The following FAM120A variants were observed in gnomAD, a reference collection of about 807,000 sequenced individuals.
The protein encoded by FAM120A is family with sequence similarity 120 member A.
In FAM120A, 15 loss-of-function variants were observed where a neutral mutation model predicts 109.7. The ratio of observed to expected loss-of-function variants is 0.14; its 90% CI spans 0.09 to 0.21. FAM120A has a LOEUF of 0.21. Among genes scored for constraint, FAM120A ranks in the 10% least tolerant of loss-of-function variants. FAM120A has a pLI of 1.00. For synonymous variants in FAM120A, 493 were observed against 572.8 expected (o/e 0.86, Z 1.99); for missense variants, 899 against 1,439.3 (o/e 0.62, Z 6.07).
chr9:93,474,193 G>C (rs1002103171), intron 2 of FAM120A, among the ~76,000 whole-genome samples: 10 of 152,226 alleles, frequency 6.6e-5, no homozygotes, highest in Non-Finnish European at 1.3e-4. Context: ...TGTTGTTGTT[G>C]TTGTTGTTTT....
chr9:93,460,178 G>A (rs192920699), intron 1 of FAM120A, among the ~76,000 whole-genome samples: 5 of 152,152 alleles, frequency 3.3e-5, no homozygotes, highest in South Asian at 4.2e-4. Context: ...GTCAAATATC[G>A]CGTAACATGA....
intron 5 of FAM120A, among the ~76,000 whole-genome samples, chr9:93,511,049 C>T (rs1019211562): frequency 6.6e-6 from 1 of 151,518 alleles, no homozygotes; most frequent in Non-Finnish European, 1.5e-5. Flanking sequence ...GTAAAGCAAC[C>T]CTTTTCATTG....
intron 11 of FAM120A, among the ~76,000 whole-genome samples, chr9:93,544,984 T>C (rs1861830429): frequency 6.6e-6 from 1 of 152,216 alleles, no homozygotes; most frequent in Middle Eastern, 3.2e-3. Context: ...CAGCATGAAC[T>C]CAGAGCCTCT....
intron 10 of FAM120A, among the ~76,000 whole-genome samples, chr9:93,536,183 C>A (rs1861508736): frequency 6.6e-6 from 1 of 152,190 alleles, no homozygotes; most frequent in Admixed American, 6.5e-5. Context: ...TAATCTATGG[C>A]CACTCTTGGA....
intron 3 of FAM120A, among the ~76,000 whole-genome samples, chr9:93,490,982 TGCCA>T (rs1859286615): frequency 6.6e-6 from 1 of 152,174 alleles, no homozygotes; most frequent in Admixed American, 6.5e-5. Context: ...GTAGTATGGG[TGCCA>T]GCCTCCACTC....
intron 10 of FAM120A, among the ~76,000 whole-genome samples, chr9:93,541,871 A>G (rs1861713614): frequency 6.6e-6 from 1 of 152,174 alleles, no homozygotes; most frequent in African/African-American, 2.4e-5. Context: ...AAATGTATTT[A>G]AGCATTTTTT....
intron 3 of FAM120A, among the ~76,000 whole-genome samples, chr9:93,495,585 T>C (rs1859539472): frequency 1.3e-5 from 2 of 152,226 alleles, no homozygotes; most frequent in Admixed American, 1.3e-4. Context: ...TGTAGTCTAT[T>C]AAGAGTGTAA....
At chr9:93,462,898 A>G (rs747706411) in intron 1 of FAM120A, among the ~76,000 whole-genome samples, 7 of 152,208 alleles carry the variant, frequency 4.6e-5, no homozygotes, top group Non-Finnish European at 1.0e-4. Flanking sequence ...ATTCTGTTGT[A>G]TTGGATAGAC....
intron 7 of FAM120A, 111 bp from the exon 8 acceptor site, chr9:93,527,044 T>C: frequency 2.6e-6 from 2 of 775,436 alleles, no homozygotes; most frequent in South Asian, 3.2e-5. Context: ...GTTGTGTTTA[T>C]TTTAAAAGTA....
intron 5 of FAM120A, among the ~76,000 whole-genome samples, chr9:93,515,108 G>A (rs1210778100): frequency 1.4e-5 from 2 of 141,670 alleles, no homozygotes; most frequent in Non-Finnish European, 3.3e-5. Context: ...GTGTTAAAAT[G>A]TGTAACCTAA....
At chr9:93,476,426 GT>G in intron 3 of FAM120A, 88 bp downstream of exon 3, 1 of 866,006 alleles carries the variant, frequency 1.2e-6, no homozygotes, top group South Asian at 1.5e-5. Context: ...CCCTTTATTG[GT>G]GATGCTACAA....
At chr9:93,512,580 G>A (rs192124017) in intron 5 of FAM120A, among the ~76,000 whole-genome samples, 10 of 151,824 alleles carry the variant, frequency 6.6e-5, no homozygotes, top group African/African-American at 2.2e-4. Flanking sequence ...AAGTGTGAAA[G>A]GAAGAGAGTG....
chr9:93,528,178 A>G (rs1420774873), intron 8 of FAM120A, among the ~76,000 whole-genome samples: 1 of 152,242 alleles, frequency 6.6e-6, no homozygotes, highest in Non-Finnish European at 1.5e-5. Flanking sequence ...AGCACCTTCC[A>G]AAGCATTTTG....
At chr9:93,561,310 C>T (rs1587643231) in intron 16 of FAM120A, 60 bp downstream of exon 16, 1 of 1,505,572 alleles carries the variant, frequency 6.6e-7, no homozygotes, top group South Asian at 1.3e-5. Context: ...TTCTAACTTG[C>T]TTTTTTTTGG....
intron 4 of FAM120A, among the ~76,000 whole-genome samples, chr9:93,497,965 T>G (rs1241813597): frequency 3.9e-5 from 6 of 152,276 alleles, no homozygotes; most frequent in African/African-American, 1.4e-4. Context: ...TCATATGGCA[T>G]TATAAATCTC....
At position 93,528,353 on chromosome 9, in the gene FAM120A, C is replaced by T. The variant is rs188876306; in HGVS notation, c.1507-1000C>T. ...GTAAAGAGTATACTTTGTTTCAAAACAGAAAAATGTATATGTCTTTAGGGT... is the reference window on the plus strand; with the variant it reads ...GTAAAGAGTATACTTTGTTTCAAAATAGAAAAATGTATATGTCTTTAGGGT... On this transcript the variant is annotated intron_variant, in intron 8 of 17. Coordinates refer to ENST00000277165, the MANE Select transcript of FAM120A (RefSeq NM_014612.5). 1.1e-4 allele frequency among the ~76,000 whole-genome samples: 16 copies of T among 152,278 alleles called. No individual in the cohort carries two copies. In the East Asian group the frequency reaches 2.9e-3, roughly 28 times the overall value.
intron 1 of FAM120A, among the ~76,000 whole-genome samples, chr9:93,454,734 T>C (rs1857477130): frequency 6.6e-6 from 1 of 152,206 alleles, no homozygotes; most frequent in Non-Finnish European, 1.5e-5. Flanking sequence ...AAGGATGATT[T>C]TGAGTCATAA....
In FAM120A at chr9:93,516,190, C is replaced by T. The variant is rs1391694325; in HGVS notation, c.1339C>T (p.His447Tyr). Residue 447 changes from histidine to tyrosine, a missense_variant, in exon 7 of 18, where the codon CAC becomes TAC. This residue lies in a region of FAM120A where 31 missense variants were observed against 71.8 expected (regional missense o/e 0.43). Transcript: ENST00000277165. ...INPAQSGSPN[H>Y]VDSAYFPGSS... is the part of the protein sequence containing the mutation. ...CCCGGCCCAGAGCGGCAGCCCCAAC[C>T]ACGTGGATTCCGCCTACTTCCCTGG... 1.2e-6 allele frequency: 2 copies of T among 1,613,894 alleles called. No homozygotes were observed. The highest frequency in any genetic ancestry group is 2.7e-5 in the African/African-American group (2 of 74,940).
At position 93,527,190 on chromosome 9, in the gene FAM120A, C is replaced by T. The variant is rs371519996; in HGVS notation, c.1454C>T (p.Thr485Met). The T allele has an allele frequency of 2.4e-5, 38 of 1,613,876 alleles. No homozygotes were observed. The highest frequency in any genetic ancestry group is 1.6e-4 in the Middle Eastern group (1 of 6,084). Residue 485 changes from threonine (T) to methionine (M), a missense_variant, in exon 8 of 18, where the codon ACG becomes ATG. By Grantham distance (81) the Thr-to-Met change is moderately conservative. Coordinates refer to ENST00000277165, the MANE Select transcript of FAM120A (RefSeq NM_014612.5). ...ISGNKIGWEK[T>M]GSHSEPQARG... is the part of the protein sequence containing the mutation. ...GGGAACAAGATTGGCTGGGAGAAGA[C>T]GGGAAGCCACTCAGAGCCTCAGGCA...
Sources: gnomAD v4.1 joint callset for allele counts (sites outside exome capture counted in the v4.1 genomes callset) on GRCh38, gnomAD v4.1.1 for gene constraint, gnomAD v4.1.1 regional missense constraint, MANE v1.5 for transcripts, NCBI Gene and HGNC (gene_info 2026-07-23, HGNC 2026-07-21) for gene names.